UTRN: variants seen among roughly 807,000 people sequenced by gnomAD.
UTRN encodes the protein utrophin, also known as dystrophin-related protein 1.
A neutral mutation model predicts 463.9 loss-of-function variants in UTRN; 283 were observed. The ratio of observed to expected loss-of-function variants is 0.61; its 90% CI spans 0.55 to 0.67. The LOEUF is 0.67. Ranked by LOEUF, UTRN falls within the 30% of genes least tolerant of loss-of-function variation. The probability of loss-of-function intolerance (pLI) is 0.00; values close to 1 mark genes in which losing one functional copy is unlikely to be tolerated. For missense variants in UTRN, 3,922 were observed against 4,084.3 expected (o/e 0.96, Z 1.08); for synonymous variants, 1,442 against 1,431.5 (o/e 1.01, Z -0.17).
Position 144,700,069 on chromosome 6 carries a change from A to C in UTRN, c.7653-18A>C, listed in dbSNP as rs1784428952. 1 of 1,563,424 alleles carries C rather than the reference A, an allele frequency of 6.4e-7. No homozygotes were observed. The highest frequency in any genetic ancestry group is 8.7e-7 in the Non-Finnish European group (1 of 1,153,312). Reference sequence around the variant, plus strand: ...ATTTCTAAATGTGGTTATTATTATTATTATTATCTCTCAACAGGGCCCATT... The same window carrying C: ...ATTTCTAAATGTGGTTATTATTATTCTTATTATCTCTCAACAGGGCCCATT... On this transcript the variant is annotated intron_variant, in intron 52 of 74. Coordinates refer to ENST00000367545, the MANE Select transcript of UTRN (RefSeq NM_007124.3).
chr6:144,662,614 TG>T (rs1779985591), intron 51 of UTRN, among the ~76,000 whole-genome samples: 1 of 152,264 alleles, frequency 6.6e-6, no homozygotes, highest in South Asian at 2.1e-4. Flanking sequence ...AAGGGGATTT[TG>T]CTGTATTCCT....
intron 2 of UTRN, among the ~76,000 whole-genome samples, chr6:144,318,173 T>C (rs1051462698): frequency 2.0e-5 from 3 of 152,216 alleles, no homozygotes; most frequent in African/African-American, 7.2e-5. Context: ...TAACTCCCAA[T>C]TCTTCAAAGG....
chr6:144,321,367 T>G (rs1036954979), intron 2 of UTRN, among the ~76,000 whole-genome samples: 22 of 151,678 alleles, frequency 1.5e-4, no homozygotes, highest in East Asian at 9.7e-4. Flanking sequence ...CTTTTTACAG[T>G]CAGGAAGCCA....
intron 2 of UTRN, among the ~76,000 whole-genome samples, chr6:144,357,008 T>C (rs1439372289): frequency 1.3e-5 from 2 of 152,162 alleles, no homozygotes; most frequent in East Asian, 1.9e-4. Context: ...TCAGAATTTG[T>C]TGGAGACCCA....
chr6:144,584,607 C>T (rs1169806187), intron 51 of UTRN, among the ~76,000 whole-genome samples: 1 of 151,900 alleles, frequency 6.6e-6, no homozygotes, highest in African/African-American at 2.4e-5. Flanking sequence ...AGCAGTATTC[C>T]ATTAACTTTA....
chr6:144,616,751 T>A (rs1446797483), intron 51 of UTRN, among the ~76,000 whole-genome samples: 3 of 152,148 alleles, frequency 2.0e-5, no homozygotes, highest in Non-Finnish European at 4.4e-5. Context: ...CCAAATCTTA[T>A]GCCCACTGGC....
chr6:144,351,492 A>G (rs1451555437), intron 2 of UTRN, among the ~76,000 whole-genome samples: 1 of 152,226 alleles, frequency 6.6e-6, no homozygotes, highest in Non-Finnish European at 1.5e-5. Context: ...ACAGGACAGC[A>G]AATGGCCTGC....
intron 46 of UTRN, among the ~76,000 whole-genome samples, chr6:144,546,378 T>C (rs891092742): frequency 6.6e-6 from 1 of 152,256 alleles, no homozygotes; most frequent in Non-Finnish European, 1.5e-5. Flanking sequence ...CAAATAGCTT[T>C]TGCTTTTGTG....
chr6:144,704,354 T>C (rs115920691), intron 53 of UTRN, among the ~76,000 whole-genome samples: 5,214 of 152,314 alleles, frequency 0.034, 111 homozygotes, highest in African/African-American at 0.044. Context: ...TCTCAAGAAC[T>C]AATATTTTAG....
At chr6:144,379,748 A>G (rs1780748669) in intron 2 of UTRN, among the ~76,000 whole-genome samples, 1 of 152,206 alleles carries the variant, frequency 6.6e-6, no homozygotes, top group Non-Finnish European at 1.5e-5. Context: ...AAACCACCAC[A>G]CATGATTTTG....
At chr6:144,667,238 T>C in intron 51 of UTRN, among the ~76,000 whole-genome samples, 1 of 151,996 alleles carries the variant, frequency 6.6e-6, no homozygotes, top group East Asian at 1.9e-4. Flanking sequence ...TCTATTTTTA[T>C]GAGAGATGGG....
rs1277956276 is a variant in UTRN, at chr6:144,730,637, C to G, written c.7939+151C>G. The G allele has an allele frequency of 3.0e-6, 3 of 1,003,040 alleles. No homozygotes were observed. The African/African-American group carries it at 5.1e-5, about 17-fold the overall frequency. 62.1% of individuals were successfully genotyped at this position (1,003,040 alleles called of 1,614,324 possible). On this transcript the variant is annotated intron_variant, in intron 54 of 74. Transcript: ENST00000367545. Reference sequence around the variant, plus strand: ...ACTTTATTCAAATATGTCATTAATTCACAGATATCTAGATTCTTAAATTAA... The same window carrying G: ...ACTTTATTCAAATATGTCATTAATTGACAGATATCTAGATTCTTAAATTAA...
At position 144,411,561 on chromosome 6, in the gene UTRN, A is replaced by G. The variant is rs900726682; in HGVS notation, c.141+8377A>G. ...ATCATCACTATACCGGTAACTTACC[A>G]AAATCGAGGTAAACATTCTGTTACA... On this transcript the variant is annotated intron_variant, in intron 3 of 74. Coordinates refer to ENST00000367545, the MANE Select transcript of UTRN (RefSeq NM_007124.3). Among the ~76,000 whole-genome samples, 3 of 152,326 alleles carry G rather than the reference A, an allele frequency of 2.0e-5. No homozygotes were observed. In the East Asian group the frequency reaches 5.8e-4, roughly 29 times the overall value.
At chr6:144,646,162 G>C (rs964640913) in intron 51 of UTRN, among the ~76,000 whole-genome samples, 3 of 152,132 alleles carry the variant, frequency 2.0e-5, no homozygotes, top group African/African-American at 7.2e-5. Context: ...AAGAAAATTA[G>C]TGGTTACAGT....
intron 3 of UTRN, among the ~76,000 whole-genome samples, chr6:144,416,390 C>CTTGA (rs1250569573): frequency 6.6e-6 from 1 of 152,204 alleles, no homozygotes; most frequent in Admixed American, 6.5e-5. Flanking sequence ...GGAGCTGCCA[C>CTTGA]TTGAGCCTGC....
chr6:144,427,196 AC>A (rs1389466393), intron 7 of UTRN, among the ~76,000 whole-genome samples: 2 of 152,208 alleles, frequency 1.3e-5, no homozygotes, highest in African/African-American at 4.8e-5. Context: ...ACAATTGATT[AC>A]CCATATATAA....
At chr6:144,423,508 G>T in intron 4 of UTRN, 41 bp from the exon 5 acceptor site, 2 of 1,593,786 alleles carry the variant, frequency 1.3e-6, no homozygotes, top group African/African-American at 2.7e-5. Context: ...GGCATATGGA[G>T]GGACAATCAG....
intron 60 of UTRN, among the ~76,000 whole-genome samples, chr6:144,780,355 A>G (rs1001371344): frequency 1.3e-5 from 2 of 151,918 alleles, no homozygotes; most frequent in Non-Finnish European, 2.9e-5. Flanking sequence ...TTTGCCTCTT[A>G]TTTTTTTAAT....
chr6:144,798,961 C>CA (rs1350876001), intron 64 of UTRN, among the ~76,000 whole-genome samples: 1 of 152,214 alleles, frequency 6.6e-6, no homozygotes, highest in Non-Finnish European at 1.5e-5. Flanking sequence ...AGGCTGGTCT[C>CA]AAACTCCCGA....
Sources: gnomAD v4.1 joint callset for allele counts (sites outside exome capture counted in the v4.1 genomes callset) on GRCh38, gnomAD v4.1.1 for gene constraint, MANE v1.5 for transcripts, NCBI Gene and HGNC (gene_info 2026-07-23, HGNC 2026-07-21) for gene names.